PPARGC1A: variants seen among roughly 807,000 people sequenced by gnomAD.
The protein encoded by PPARGC1A is peroxisome proliferator-activated receptor gamma coactivator 1-alpha.
In PPARGC1A, 25 loss-of-function variants were observed where a neutral mutation model predicts 88.7. That is an observed-to-expected ratio of 0.28 (90% CI 0.21 to 0.39). The LOEUF (loss-of-function observed/expected upper bound fraction) is 0.39. Ranked by LOEUF, PPARGC1A falls within the 10% of genes least tolerant of loss-of-function variation. The probability of loss-of-function intolerance (pLI) is 1.00; values close to 1 mark genes in which losing one functional copy is unlikely to be tolerated. For synonymous variants in PPARGC1A, 363 were observed against 355.6 expected (o/e 1.02, Z -0.24); for missense variants, 880 against 968.7 (o/e 0.91, Z 1.22).
intron 2 of PPARGC1A, among the ~76,000 whole-genome samples, chr4:23,852,478 T>TC (rs1159004017): frequency 3.3e-5 from 5 of 152,108 alleles, no homozygotes; most frequent in Non-Finnish European, 5.9e-5. Flanking sequence ...TTGTACTTGC[T>TC]CCCCATCAAG....
the PPARGC1A span, among the ~76,000 whole-genome samples, chr4:24,099,235 C>T: frequency 3.6e-5 from 5 of 140,074 alleles, no homozygotes; most frequent in Admixed American, 2.3e-4. Context: ...AAGGGCTATA[C>T]GATATATTTG....
the PPARGC1A span, among the ~76,000 whole-genome samples, chr4:24,430,384 A>G: frequency 6.7e-6 from 1 of 149,410 alleles, no homozygotes; most frequent in Non-Finnish European, 1.5e-5. Flanking sequence ...CAGCCTCCCG[A>G]GTAGCTGGGA....
the PPARGC1A span, among the ~76,000 whole-genome samples, chr4:24,158,976 T>C: frequency 2.6e-4 from 40 of 152,158 alleles, no homozygotes; most frequent in Non-Finnish European, 5.1e-4. Flanking sequence ...CAGCGCATGA[T>C]AGTTGAACTG....
chr4:23,986,602 A>C, the PPARGC1A span, among the ~76,000 whole-genome samples: 1 of 152,102 alleles, frequency 6.6e-6, no homozygotes, highest in African/African-American at 2.4e-5. Context: ...TTTTATATAC[A>C]TGATCTCATT....
chr4:24,067,771 T>C, the PPARGC1A span, among the ~76,000 whole-genome samples: 7 of 152,214 alleles, frequency 4.6e-5, no homozygotes, highest in Non-Finnish European at 7.3e-5. Context: ...CGAAGCTGAT[T>C]ACGGAGTTCC....
chr4:24,471,886 G>C, the PPARGC1A span, among the ~76,000 whole-genome samples: 2 of 152,246 alleles, frequency 1.3e-5, no homozygotes, highest in Non-Finnish European at 2.9e-5. This position sits in a 1 kb window ranked among gnomAD's most constrained non-coding sequence, Gnocchi z 5.4. Flanking sequence ...AGCCATTTTA[G>C]GGAAAGAGGC....
the PPARGC1A span, among the ~76,000 whole-genome samples, chr4:24,472,590 G>C: frequency 6.6e-6 from 1 of 152,106 alleles, no homozygotes; most frequent in African/African-American, 2.4e-5. The surrounding 1 kb of genome is among the most constrained non-coding windows in gnomAD (Gnocchi z 4.5). Context: ...AGAAAAGGAG[G>C]GGGAAGGGAA....
intron 7 of PPARGC1A, among the ~76,000 whole-genome samples, chr4:23,818,593 T>A (rs1722395124): frequency 6.6e-6 from 1 of 152,054 alleles, no homozygotes; most frequent in African/African-American, 2.4e-5. Context: ...TCTACATCAC[T>A]CACACTTACG....
At chr4:24,065,311 C>A in the PPARGC1A span, among the ~76,000 whole-genome samples, 1 of 152,040 alleles carries the variant, frequency 6.6e-6, no homozygotes. Flanking sequence ...TTAGCGGGTC[C>A]CTTCCCCCAC....
the PPARGC1A span, among the ~76,000 whole-genome samples, chr4:24,424,258 CTTTTTTTTTTTTTTT>C: frequency 3.6e-4 from 16 of 44,350 alleles, no homozygotes; most frequent in South Asian, 3.9e-3. Context: ...TATACACACA[CTTTTTTTTTTTTTTT>C]TTTTTTTTTT....
In PPARGC1A at chr4:23,794,143, C is replaced by T. The variant is rs1263264792; in HGVS notation, c.*1679G>A. The T allele has an allele frequency of 1.3e-5, 2 of 152,480 alleles. No homozygotes were observed. Among genetic ancestry groups the T allele is most frequent in the Non-Finnish European group, 2.9e-5 (2 of 68,008 alleles). The allele number at this position is 152,480 out of a possible 1,614,324, so 9.4% of individuals were successfully genotyped here. A position where few individuals can be genotyped will look rare whatever the true frequency, so the allele number is the denominator to read the frequency against. On this transcript the variant is annotated 3_prime_UTR_variant, in exon 13 of 13. Coordinates refer to ENST00000264867, the MANE Select transcript of PPARGC1A (RefSeq NM_013261.5). ...TAATTATTACCTCAGCATTTTGTATCAAATTAAAATCACAAAAATTAAAAC... is the reference window on the plus strand; with the variant it reads ...TAATTATTACCTCAGCATTTTGTATTAAATTAAAATCACAAAAATTAAAAC...
the PPARGC1A span, among the ~76,000 whole-genome samples, chr4:24,200,864 A>G: frequency 6.6e-6 from 1 of 152,112 alleles, no homozygotes; most frequent in African/African-American, 2.4e-5. Flanking sequence ...TCAATCTATG[A>G]CCTCATTTGT....
the PPARGC1A span, among the ~76,000 whole-genome samples, chr4:24,345,270 T>A: frequency 2.2e-5 from 1 of 45,524 alleles, no homozygotes; most frequent in East Asian, 5.5e-4. Context: ...ATTTTAGAAT[T>A]TTTTTTTTTT....
chr4:24,238,776 TG>T, the PPARGC1A span, among the ~76,000 whole-genome samples: 2 of 151,304 alleles, frequency 1.3e-5, no homozygotes, highest in African/African-American at 4.9e-5. Flanking sequence ...TGTGTGTGTG[TG>T]TGTGTGTGTG....
intron 10 of PPARGC1A, among the ~76,000 whole-genome samples, chr4:23,808,478 T>C (rs955137294): frequency 4.6e-5 from 7 of 152,110 alleles, no homozygotes; most frequent in African/African-American, 1.7e-4. Context: ...CATCCCATTA[T>C]CATGTTTTCT....
the PPARGC1A span, among the ~76,000 whole-genome samples, chr4:24,220,493 T>C: frequency 1.8e-4 from 27 of 152,270 alleles, 1 homozygote; most frequent in South Asian, 4.6e-3. Context: ...CAACGGTGGA[T>C]TGGATAAAGA....
chr4:24,350,968 A>G, the PPARGC1A span, among the ~76,000 whole-genome samples: 2 of 67,300 alleles, frequency 3.0e-5, no homozygotes, highest in Non-Finnish European at 5.9e-5. Flanking sequence ...AATCTCTAGA[A>G]AAAGAACAAT....
At chr4:24,158,321 A>G in the PPARGC1A span, among the ~76,000 whole-genome samples, 2 of 152,096 alleles carry the variant, frequency 1.3e-5, no homozygotes, top group African/African-American at 4.8e-5. Context: ...ATTGCCAACC[A>G]AAATATTATT....
At chr4:24,076,840 A>G in the PPARGC1A span, among the ~76,000 whole-genome samples, 1 of 152,122 alleles carries the variant, frequency 6.6e-6, no homozygotes, top group Non-Finnish European at 1.5e-5. Context: ...ATCCCAATAT[A>G]GTTACTTTAT....
Sources: gnomAD v4.1 joint callset for allele counts (sites outside exome capture counted in the v4.1 genomes callset) on GRCh38, gnomAD v4.1.1 for gene constraint, Gnocchi (gnomAD v3.1) non-coding constraint, MANE v1.5 for transcripts, NCBI Gene and HGNC (gene_info 2026-07-23, HGNC 2026-07-21) for gene names.